The following TSHZ2 variants were observed in gnomAD, a reference collection of about 807,000 sequenced individuals.
TSHZ2 encodes teashirt homolog 2.
Under a neutral mutation model 74.4 loss-of-function variants are expected in TSHZ2, and 21 were observed. That is an observed-to-expected ratio of 0.28 (90% CI 0.20 to 0.41). The LOEUF (loss-of-function observed/expected upper bound fraction) is 0.41, where lower values mean the gene tolerates loss of function less well. Ranked by LOEUF, TSHZ2 falls within the 10% of genes least tolerant of loss-of-function variation. TSHZ2 has a pLI of 1.00. For synonymous variants in TSHZ2, 540 were observed against 515.3 expected, an observed-to-expected ratio of 1.05 and a Z score of -0.65; for missense variants, 1,244 against 1,293.5, an observed-to-expected ratio of 0.96 and a Z score of 0.59.
rs1172816115 is a variant in TSHZ2 at position 53,074,087 on chromosome 20, T to C, written c.40+100754T>C. Reference sequence around the variant, plus strand: ...CGCAATTCTAGCATTGTAAAAGACATGTACATACAACTGTCTCTCACCTTC... The same window carrying C: ...CGCAATTCTAGCATTGTAAAAGACACGTACATACAACTGTCTCTCACCTTC... On this transcript the variant is annotated intron_variant, in intron 1 of 2. Transcript: ENST00000371497. This position sits in a 1 kb window ranked among gnomAD's most constrained non-coding sequence, Gnocchi z 5.9. 6.6e-6 allele frequency among the ~76,000 whole-genome samples: 1 copy of C among 152,144 alleles called. No homozygotes were observed. Among genetic ancestry groups the C allele is most frequent in the Non-Finnish European group, 1.5e-5 (1 of 68,050 alleles).
At chr20:53,439,703 G>A (rs916745560) in intron 2 of TSHZ2, among the ~76,000 whole-genome samples, 3 of 152,122 alleles carry the variant, frequency 2.0e-5, no homozygotes, top group Admixed American at 6.5e-5. Context: ...AGTTGGAAGC[G>A]CTGTGTCTGT....
chr20:53,388,793 G>A (rs1174328035), intron 2 of TSHZ2, among the ~76,000 whole-genome samples: 1 of 151,960 alleles, frequency 6.6e-6, no homozygotes, highest in Non-Finnish European at 1.5e-5. Context: ...ATGTTAGCCA[G>A]GCTGGTCTCA....
chr20:53,322,402 A>G (rs1319020155), intron 2 of TSHZ2, among the ~76,000 whole-genome samples: 1 of 151,966 alleles, frequency 6.6e-6, no homozygotes, highest in East Asian at 1.9e-4. Context: ...AATCCCAGCT[A>G]CTCAGGAGGC....
intron 2 of TSHZ2, among the ~76,000 whole-genome samples, chr20:53,278,062 G>A (rs566317869): frequency 6.6e-6 from 1 of 152,246 alleles, no homozygotes; most frequent in South Asian, 2.1e-4. Flanking sequence ...ACAATGAGAA[G>A]AGCTACCATT....
intron 1 of TSHZ2, among the ~76,000 whole-genome samples, chr20:53,118,862 A>G (rs1341392569): frequency 6.6e-6 from 1 of 152,232 alleles, no homozygotes; most frequent in Non-Finnish European, 1.5e-5. Flanking sequence ...CACAGGCTGT[A>G]CAGGAAGCAT....
intron 2 of TSHZ2, among the ~76,000 whole-genome samples, chr20:53,389,888 C>T (rs190456604): frequency 2.6e-5 from 4 of 152,284 alleles, no homozygotes; most frequent in South Asian, 2.1e-4. Flanking sequence ...ATGTCAATAG[C>T]GCTGAGGTTG....
chr20:53,282,821 G>A (rs1275736816), intron 2 of TSHZ2, among the ~76,000 whole-genome samples: 1 of 152,196 alleles, frequency 6.6e-6, no homozygotes, highest in African/African-American at 2.4e-5. Flanking sequence ...TGTGATTTGT[G>A]TCAATTGCTT....
chr20:53,271,573 T>C (rs1195875289), intron 2 of TSHZ2, among the ~76,000 whole-genome samples: 1 of 152,104 alleles, frequency 6.6e-6, no homozygotes, highest in Non-Finnish European at 1.5e-5. Context: ...CTCTGCTCAC[T>C]GCTAGCACAA....
intron 2 of TSHZ2, among the ~76,000 whole-genome samples, chr20:53,427,844 A>T (rs1983709246): frequency 6.6e-6 from 1 of 152,112 alleles, no homozygotes; most frequent in Admixed American, 6.5e-5. Context: ...TAAGAAAGGG[A>T]TGGAAGGCCT....
chr20:53,334,895 G>A (rs547119153), intron 2 of TSHZ2, among the ~76,000 whole-genome samples: 8 of 152,154 alleles, frequency 5.3e-5, no homozygotes, highest in African/African-American at 1.2e-4. Context: ...TATTAGCCAG[G>A]CTGGTCTCGA....
At position 53,456,010 on chromosome 20, in the gene TSHZ2, A is replaced by G. The variant is rs367761479; in HGVS notation, c.*9-31134A>G. ...AGTCTTTGCTATTGTGAATAATGCC[A>G]CAATAAACATATGTGTGCATGTGTC... is the stretch of plus-strand genomic sequence containing the variant. On this transcript the variant is annotated intron_variant, in intron 2 of 2. Transcript: ENST00000371497. Among the ~76,000 whole-genome samples, 558 of 151,646 alleles carry G rather than the reference A, an allele frequency of 3.7e-3. 1 individual carries two copies. The highest frequency in any genetic ancestry group is 0.022 in the South Asian group (103 of 4,672).
At chr20:52,973,470 C>A in intron 1 of TSHZ2, 137 bp downstream of exon 1, 1 of 1,121,378 alleles carries the variant, frequency 8.9e-7, no homozygotes, top group Non-Finnish European at 1.3e-6. Flanking sequence ...CTAATAACCC[C>A]GTCCTCTCTC....
intron 1 of TSHZ2, among the ~76,000 whole-genome samples, chr20:53,012,802 C>T (rs911507587): frequency 6.6e-6 from 1 of 152,128 alleles, no homozygotes; most frequent in Non-Finnish European, 1.5e-5. Context: ...TTGGCCCTTC[C>T]CGGCTTCTCT....
At chr20:53,041,845 T>A (rs1005270746) in intron 1 of TSHZ2, among the ~76,000 whole-genome samples, 3 of 152,244 alleles carry the variant, frequency 2.0e-5, no homozygotes, top group Admixed American at 1.3e-4. Context: ...TGATCCTTGA[T>A]ACCCACTGCC....
chr20:53,071,601 A>G (rs1396175393), intron 1 of TSHZ2, among the ~76,000 whole-genome samples: 1 of 152,172 alleles, frequency 6.6e-6, no homozygotes, highest in Non-Finnish European at 1.5e-5. Flanking sequence ...TTAAAAAGCC[A>G]GGCCAATTTT....
chr20:52,987,512 CCTCTCTCTCTTCTCT>C (rs889212216), intron 1 of TSHZ2, among the ~76,000 whole-genome samples: 39 of 149,182 alleles, frequency 2.6e-4, no homozygotes, highest in Non-Finnish European at 4.9e-4. Flanking sequence ...TCTCTTTCTC[CCTCTCTCTCTTCTCT>C]CTCTCCTCTC....
intron 1 of TSHZ2, among the ~76,000 whole-genome samples, chr20:53,108,228 G>A (rs1238229558): frequency 6.6e-6 from 1 of 152,168 alleles, no homozygotes; most frequent in Non-Finnish European, 1.5e-5. Flanking sequence ...GAGGCTCTTT[G>A]GCATTACACA....
chr20:53,323,563 C>CTTTTTTTTTTTTTTTTT lies in TSHZ2; in HGVS notation c.*8+67008_*8+67024dup, dbSNP rs34687825. 6.3e-4 allele frequency among the ~76,000 whole-genome samples: 23 copies of CTTTTTTTTTTTTTTTTT among 36,680 alleles called. 8 individuals carry two copies. Among genetic ancestry groups the CTTTTTTTTTTTTTTTTT allele is most frequent in the Non-Finnish European group, 6.9e-4 (15 of 21,684 alleles). The allele number at this position is 36,680 out of a possible 152,430, so 24.1% of individuals were successfully genotyped here. ...CACCCGTTTTCATTGCCTTGGAGGG[C>CTTTTTTTTTTTTTTTTT]TTTTTTTTTTTTTTTTTTTTTTTTT... On this transcript the variant is annotated intron_variant, in intron 2 of 2. Transcript: ENST00000371497.
chr20:53,208,332 G>A (rs1231359716), intron 1 of TSHZ2, among the ~76,000 whole-genome samples: 24 of 152,108 alleles, frequency 1.6e-4, no homozygotes, highest in Admixed American at 1.4e-3. Flanking sequence ...TCCTCCCTTT[G>A]GTAGATACAG....
Sources: allele counts gnomAD v4.1 joint callset (sites outside exome capture counted in the v4.1 genomes callset), GRCh38; gene constraint gnomAD v4.1.1; non-coding constraint Gnocchi (gnomAD v3.1); transcripts MANE v1.5; gene names NCBI Gene and HGNC (gene_info 2026-07-23, HGNC 2026-07-21).